SCN7A: variants seen among roughly 807,000 people sequenced by gnomAD.
SCN7A encodes sodium channel protein type 7 subunit alpha.
A neutral mutation model predicts 155.2 loss-of-function variants in SCN7A; 138 were observed. The ratio of observed to expected loss-of-function variants is 0.89; its 90% CI spans 0.77 to 1.02. The LOEUF is 1.02. SCN7A is among the 50% of genes least tolerant of loss of function. The pLI is 0.00. For synonymous variants in SCN7A, 693 were observed against 649.0 expected (o/e 1.07, Z -1.03); for missense variants, 2,058 against 1,986.6 (o/e 1.04, Z -0.68).
At chr2:166,456,770 T>G (rs1702284221) in intron 11 of SCN7A, 100 bp downstream of exon 11, 5 of 550,420 alleles carry the variant, frequency 9.1e-6, no homozygotes, top group Admixed American at 7.4e-5. Flanking sequence ...CATAGAATCA[T>G]GAGCAAATAA....
At chr2:166,408,675 T>G (rs1701129612) in intron 25 of SCN7A, among the ~76,000 whole-genome samples, 2 of 151,980 alleles carry the variant, frequency 1.3e-5, no homozygotes, top group South Asian at 4.1e-4. Flanking sequence ...AGTAGTTAGT[T>G]GCATTGTTTC....
rs571735642 is a variant in SCN7A, at chr2:166,482,983, T to A, written c.-15+3873A>T. Among the ~76,000 whole-genome samples, 3 of 152,208 alleles carry A rather than the reference T, an allele frequency of 2.0e-5. No homozygotes were observed. The South Asian group carries it at 6.2e-4, about 32-fold the overall frequency. On this transcript the variant is annotated intron_variant, in intron 2 of 25. Transcript: ENST00000643258. ...AAAATATAGAAAGATTAATAGTTAA[T>A]CCATCCATTAGACTTCTTTCTGAAA... is the stretch of plus-strand genomic sequence containing the variant.
At chr2:166,441,255 T>A in intron 15 of SCN7A, 141 bp downstream of exon 15, 1 of 560,304 alleles carries the variant, frequency 1.8e-6, no homozygotes, top group Non-Finnish European at 3.1e-6. Context: ...TATCAGTTGA[T>A]AATGGCCACA....
At chr2:166,426,985 T>C (rs917923791) in intron 18 of SCN7A, among the ~76,000 whole-genome samples, 1 of 152,138 alleles carries the variant, frequency 6.6e-6, no homozygotes, top group African/African-American at 2.4e-5. Flanking sequence ...AAAAGATCTC[T>C]GATCTTCTTT....
rs575993749 is a variant in SCN7A, at chr2:166,450,755, C to T, written c.1291-3047G>A. On this transcript the variant is annotated intron_variant, in intron 11 of 25. Transcript: ENST00000643258. Reference sequence around the variant, plus strand: ...GTTGCAGTGAGACCAGATTGCGCCACTGCACTCCAGCCTGGCGACAGAGTG... The same window carrying T: ...GTTGCAGTGAGACCAGATTGCGCCATTGCACTCCAGCCTGGCGACAGAGTG... 5.3e-4 allele frequency among the ~76,000 whole-genome samples: 81 copies of T among 152,092 alleles called. 1 individual carries two copies. In the South Asian group the frequency reaches 0.016, roughly 31 times the overall value.
At chr2:166,457,587 G>A (rs976858762) in intron 10 of SCN7A, among the ~76,000 whole-genome samples, 1 of 152,098 alleles carries the variant, frequency 6.6e-6, no homozygotes, top group Non-Finnish European at 1.5e-5. Flanking sequence ...TTCTTTGCCT[G>A]TCAAAGTATC....
chr2:166,405,327 A>G lies in SCN7A; in HGVS notation c.*253T>C. ...GGCACACATCATATAAGCCATGTAG[A>G]GAAAACAAATATGAGATTGTCAAAT... On this transcript the variant is annotated 3_prime_UTR_variant, in exon 26 of 26. Coordinates refer to ENST00000643258, the MANE Select transcript of SCN7A (RefSeq NM_002976.4). The G allele has an allele frequency of 4.8e-6, 2 of 416,994 alleles. No individual in the cohort carries two copies. Among genetic ancestry groups the G allele is most frequent in the Non-Finnish European group, 8.4e-6 (2 of 237,614 alleles). The allele number at this position is 416,994 out of a possible 1,614,324, so 25.8% of individuals were successfully genotyped here. A position where few individuals can be genotyped will look rare whatever the true frequency, so the allele number is the denominator to read the frequency against.
rs201255081 is a variant in SCN7A at position 166,475,080 on chromosome 2, G to GTATATATATATATACGTATATATGTA, written c.235-737_235-736insTACATATATACGTATATATATATATA. Among the ~76,000 whole-genome samples the GTATATATATATATACGTATATATGTA allele has an allele frequency of 4.1e-4, 35 of 85,898 alleles. 1 individual carries two copies. The highest frequency in any genetic ancestry group is 1.1e-3 in the South Asian group (3 of 2,808). The allele number at this position is 85,898 out of a possible 152,430, so 56.4% of individuals were successfully genotyped here. A position where few individuals can be genotyped will look rare whatever the true frequency, so the allele number is the denominator to read the frequency against. On this transcript the variant is annotated intron_variant, in intron 3 of 25. Transcript: ENST00000643258. ...CAAGTTTGCATATTTTTATATTTGTGTATATATATATACACATATATATGT... is the reference window on the plus strand; with the variant it reads ...CAAGTTTGCATATTTTTATATTTGTGTATATATATATATACGTATATATGTATATATATATATACACATATATATGT...
intron 10 of SCN7A, among the ~76,000 whole-genome samples, chr2:166,461,501 G>A (rs1385315747): frequency 6.6e-6 from 1 of 152,040 alleles, no homozygotes; most frequent in Non-Finnish European, 1.5e-5. Flanking sequence ...TAAGCCTTCT[G>A]TTATTGTAAC....
intron 6 of SCN7A, 24 bp downstream of exon 6, chr2:166,472,293 G>T: frequency 3.2e-6 from 5 of 1,564,560 alleles, no homozygotes; most frequent in Non-Finnish European, 4.3e-6. Context: ...CATTAAAATA[G>T]ACTCAATTTA....
At chr2:166,490,898 A>G (rs1482623153) in intron 1 of SCN7A, among the ~76,000 whole-genome samples, 2 of 152,188 alleles carry the variant, frequency 1.3e-5, no homozygotes, top group Non-Finnish European at 2.9e-5. Flanking sequence ...GAAACTAGAA[A>G]GGTGCCTTGA....
In SCN7A at chr2:166,470,649, AG is replaced by A. The variant is rs1352562994; in HGVS notation, c.629del (p.Thr210IlefsTer2). On this transcript the variant is annotated frameshift_variant, in exon 7 of 26. Coordinates refer to ENST00000643258, the MANE Select transcript of SCN7A (RefSeq NM_002976.4). LOFTEE classifies it high-confidence loss of function. Reference protein sequence around the residue: ...DFIPTLQTARTLRILKIIPLN... With the variant: ...DFIPTLQTARXLRILKIIPLN... ...AAGGAATAATTTTTAAAATTCTCAA[AG>A]TTCTTGCAGTTTGAAGCGTTGGAAT... is the stretch of plus-strand genomic sequence containing the variant. 3 of 1,608,696 alleles carry A rather than the reference AG, an allele frequency of 1.9e-6. No homozygotes were observed. In the African/African-American group the frequency reaches 4.0e-5, roughly 22 times the overall value.
chr2:166,417,634 A>G (rs924487880), intron 20 of SCN7A, among the ~76,000 whole-genome samples: 1 of 151,444 alleles, frequency 6.6e-6, no homozygotes, highest in African/African-American at 2.4e-5. Context: ...GTCCTGTATC[A>G]TGCCAGAAAT....
Position 166,441,461 on chromosome 2 carries a change from C to T in SCN7A, c.2092G>A (p.Glu698Lys). The change falls in exon 15 of 26, where the codon GAG (glutamate) becomes AAG (lysine). Residue 698 changes from glutamate to lysine, a missense_variant. Coordinates refer to ENST00000643258, the MANE Select transcript of SCN7A (RefSeq NM_002976.4). ...ATACACCAGGATTGGCCTGCAACCTCCATACAGTCCCACAAGGTCTCTACC... is the reference window on the plus strand; with the variant it reads ...ATACACCAGGATTGGCCTGCAACCTTCATACAGTCCCACAAGGTCTCTACC... Reference protein sequence around the residue: ...EWVETLWDCMEVAGQSWCIPF... With the variant: ...EWVETLWDCMKVAGQSWCIPF... 1 of 1,613,898 alleles carries T rather than the reference C, an allele frequency of 6.2e-7. No homozygotes were observed. Among genetic ancestry groups the T allele is most frequent in the East Asian group, 2.2e-5 (1 of 44,860 alleles).
Position 166,481,294 on chromosome 2 carries a change from TA to T in SCN7A, c.-14-3585del, listed in dbSNP as rs540564979. Among the ~76,000 whole-genome samples the T allele has an allele frequency of 2.8e-3, 419 of 152,222 alleles. 1 individual carries two copies. The highest frequency in any genetic ancestry group is 4.6e-3 in the Admixed American group (71 of 15,286). ...GATTCCTCTTCCAGTTAAATAAGAA[TA>T]AATCAAAATAATATGAGTAAAAATA... is the stretch of plus-strand genomic sequence containing the variant. On this transcript the variant is annotated intron_variant, in intron 2 of 25. Transcript: ENST00000643258.
In SCN7A at chr2:166,474,214, A is replaced by C; in HGVS notation, c.353+12T>G. ...CACAGTTTAAAGTCAACAAGTCAAC[A>C]GAAAAGGATATGGATGTACCAAAAC... is the stretch of plus-strand genomic sequence containing the variant. On this transcript the variant is annotated intron_variant, in intron 4 of 25. Coordinates refer to ENST00000643258, the MANE Select transcript of SCN7A (RefSeq NM_002976.4). 7.9e-7 allele frequency: 1 copy of C among 1,272,950 alleles called. No homozygotes were observed. Among genetic ancestry groups the C allele is most frequent in the Non-Finnish European group, 1.1e-6 (1 of 929,446 alleles). The allele number at this position is 1,272,950 out of a possible 1,614,324, so 78.9% of individuals were successfully genotyped here.
intron 7 of SCN7A, 29 bp from the exon 8 acceptor site, chr2:166,466,016 T>C (rs1702527860): frequency 6.6e-7 from 1 of 1,516,284 alleles, no homozygotes; most frequent in Non-Finnish European, 9.0e-7. Flanking sequence ...GTTTTCGAAA[T>C]AATGTAATAT....
chr2:166,432,799 A>G, intron 15 of SCN7A, 47 bp from the exon 16 acceptor site: 1 of 1,361,286 alleles, frequency 7.3e-7, no homozygotes, highest in South Asian at 1.5e-5. Context: ...ATTTTGTTTC[A>G]TTTTAAGTAA....
chr2:166,439,308 G>C (rs1473527229), intron 15 of SCN7A, among the ~76,000 whole-genome samples: 3 of 151,678 alleles, frequency 2.0e-5, no homozygotes, highest in Admixed American at 6.6e-5. Context: ...CCACACCCTG[G>C]GCAATGGAGA....
Sources: gnomAD v4.1 joint callset for allele counts (sites outside exome capture counted in the v4.1 genomes callset) on GRCh38, gnomAD v4.1.1 for gene constraint, MANE v1.5 for transcripts, NCBI Gene and HGNC (gene_info 2026-07-23, HGNC 2026-07-21) for gene names.